TSC22D1: variants seen among roughly 807,000 people sequenced by gnomAD.
TSC22D1 encodes TSC22 domain family member 1, also known as TSC22 domain family protein 1.
In TSC22D1, 9 loss-of-function variants were observed where a neutral mutation model predicts 74.2. That is an observed-to-expected ratio of 0.12 (90% CI 0.07 to 0.21). TSC22D1 has a LOEUF of 0.21. TSC22D1 is among the 10% of genes least tolerant of loss of function. The pLI, the probability that TSC22D1 is intolerant of heterozygous loss-of-function variation, is 1.00. For missense variants in TSC22D1, 1,427 were observed against 1,304.7 expected, an observed-to-expected ratio of 1.09 and a Z score of -1.44; for synonymous variants, 586 against 492.5, an observed-to-expected ratio of 1.19 and a Z score of -2.51.
intron 1 of TSC22D1, chr13:44,537,283 T>C (rs1398997429): frequency 7.2e-6 from 7 of 971,176 alleles, no homozygotes; most frequent in Non-Finnish European, 7.3e-6. Flanking sequence ...AAAATAAAAG[T>C]TTAAATAAAC....
At chr13:44,490,935 A>T (rs1267334591) in intron 1 of TSC22D1, among the ~76,000 whole-genome samples, 2 of 68,624 alleles carry the variant, frequency 2.9e-5, no homozygotes, top group South Asian at 6.1e-4. Flanking sequence ...CTCATTAAAA[A>T]AAATATATAT....
At chr13:44,439,282 T>C (rs1002630901) in intron 1 of TSC22D1, among the ~76,000 whole-genome samples, 1 of 152,264 alleles carries the variant, frequency 6.6e-6, no homozygotes, top group Non-Finnish European at 1.5e-5. Context: ...GGAGAATTTG[T>C]TGAGCCAAAG....
intron 1 of TSC22D1, among the ~76,000 whole-genome samples, chr13:44,445,216 TACACACACACACACACAC>T (rs55714213): frequency 1.7e-4 from 24 of 144,622 alleles, no homozygotes; most frequent in African/African-American, 3.0e-4. Context: ...AGGTCAAAGA[TACACACACACACACACAC>T]ACACACACAC....
chr13:44,505,617 T>C (rs1879412241), intron 1 of TSC22D1, among the ~76,000 whole-genome samples: 1 of 152,186 alleles, frequency 6.6e-6, no homozygotes, highest in African/African-American at 2.4e-5. Flanking sequence ...ATTGTGCAAT[T>C]AAACAAGGAA....
rs571535816 is a variant in TSC22D1, at chr13:44,562,960, C to T, written c.2912+10203G>A. On this transcript the variant is annotated intron_variant, in intron 1 of 2. Transcript: ENST00000458659. The stretch of plus-strand genomic sequence containing the variant: ...AACTCTACTAAATACAAAAAATTAG[C>T]CGATCATGGTGGTGCATTCCTGTAA... Among the ~76,000 whole-genome samples, 13 of 152,164 alleles carry T rather than the reference C, an allele frequency of 8.5e-5. No homozygotes were observed. In the South Asian group the frequency reaches 2.5e-3, roughly 29 times the overall value.
intron 1 of TSC22D1, among the ~76,000 whole-genome samples, chr13:44,547,683 T>C (rs894689610): frequency 3.9e-5 from 6 of 152,236 alleles, no homozygotes; most frequent in Admixed American, 1.3e-4. Flanking sequence ...AATGTATTAA[T>C]ACCTTCACTT....
At chr13:44,535,942 C>T (rs1881107923) in intron 1 of TSC22D1, among the ~76,000 whole-genome samples, 1 of 151,942 alleles carries the variant, frequency 6.6e-6, no homozygotes, top group African/African-American at 2.4e-5. Context: ...CTTTCATACA[C>T]ATATAGGAAA....
chr13:44,543,101 A>C (rs575746028), intron 1 of TSC22D1, among the ~76,000 whole-genome samples: 2 of 152,326 alleles, frequency 1.3e-5, no homozygotes, highest in South Asian at 4.1e-4. Flanking sequence ...TCTGTAAATA[A>C]TGAAATTTTT....
intron 1 of TSC22D1, chr13:44,539,255 AC>A: frequency 3.0e-6 from 3 of 985,336 alleles, no homozygotes; most frequent in Non-Finnish European, 2.4e-6. Flanking sequence ...TGACAGTAAA[AC>A]CATAATAGTA....
intron 1 of TSC22D1, among the ~76,000 whole-genome samples, chr13:44,570,476 G>A (rs892193103): frequency 6.6e-6 from 1 of 152,098 alleles, no homozygotes; most frequent in Non-Finnish European, 1.5e-5. Context: ...ACAGGTGTGA[G>A]CCACCGCACA....
At chr13:44,543,079 A>C (rs1393804873) in intron 1 of TSC22D1, among the ~76,000 whole-genome samples, 2 of 152,182 alleles carry the variant, frequency 1.3e-5, no homozygotes, top group Non-Finnish European at 2.9e-5. Context: ...CAATGAAATC[A>C]TTTTAACATT....
intron 1 of TSC22D1, among the ~76,000 whole-genome samples, chr13:44,443,709 G>A (rs1205272402): frequency 6.6e-6 from 1 of 152,074 alleles, no homozygotes; most frequent in Admixed American, 6.6e-5. Flanking sequence ...ACTGTTTAAA[G>A]CAAAAATAAC....
chr13:44,519,997 A>G (rs1175662647), intron 1 of TSC22D1, among the ~76,000 whole-genome samples: 1 of 152,176 alleles, frequency 6.6e-6, no homozygotes, highest in African/African-American at 2.4e-5. Flanking sequence ...AGAAAACCAG[A>G]TTTGAAGGCG....
At chr13:44,562,430 A>G (rs1049534310) in intron 1 of TSC22D1, among the ~76,000 whole-genome samples, 2 of 152,206 alleles carry the variant, frequency 1.3e-5, no homozygotes, top group African/African-American at 4.8e-5. Flanking sequence ...GGCACCAACA[A>G]AGAACCGAAT....
At chr13:44,507,519 C>T (rs2137999062) in intron 1 of TSC22D1, among the ~76,000 whole-genome samples, 1 of 151,688 alleles carries the variant, frequency 6.6e-6, no homozygotes, top group South Asian at 2.1e-4. Flanking sequence ...GATGCTAGCC[C>T]CCTATAGCTA....
Position 44,434,903 on chromosome 13 carries a change from G to A in TSC22D1, c.2965-20C>T, listed in dbSNP as rs369626748. ...TAGATCCTGGAAAGAAGACAGAAAA[G>A]GTTTAACTCATTATTTGGTATTTTC... On this transcript the variant is annotated intron_variant, in intron 2 of 2. Coordinates refer to ENST00000458659, the MANE Select transcript of TSC22D1 (RefSeq NM_183422.4). 42 of 1,589,228 alleles carry A rather than the reference G, an allele frequency of 2.6e-5. No homozygotes were observed. Among genetic ancestry groups the A allele is most frequent in the Non-Finnish European group, 3.4e-5 (40 of 1,167,032 alleles).
At chr13:44,491,367 C>G (rs1235770386) in intron 1 of TSC22D1, among the ~76,000 whole-genome samples, 2 of 152,038 alleles carry the variant, frequency 1.3e-5, no homozygotes, top group African/African-American at 4.8e-5. Flanking sequence ...TCCTGGCTAA[C>G]ATGGTGAAAC....
chr13:44,552,765 G>A (rs1882370737), intron 1 of TSC22D1, among the ~76,000 whole-genome samples: 1 of 152,136 alleles, frequency 6.6e-6, no homozygotes, highest in South Asian at 2.1e-4. Flanking sequence ...GAGGCAGGCG[G>A]ATCACAAGGT....
At chr13:44,546,749 C>CGTGTGT (rs58111185) in intron 1 of TSC22D1, among the ~76,000 whole-genome samples, 5,215 of 146,704 alleles carry the variant, frequency 0.036, 275 homozygotes, top group African/African-American at 0.11. Context: ...GTGTGAAATA[C>CGTGTGT]GTGTGTGTGT....
Sources: gnomAD v4.1 joint callset for allele counts (sites outside exome capture counted in the v4.1 genomes callset) on GRCh38, gnomAD v4.1.1 for gene constraint, MANE v1.5 for transcripts, NCBI Gene and HGNC (gene_info 2026-07-23, HGNC 2026-07-21) for gene names.